Variants in CLU observed in about 807,000 individuals in gnomAD.
CLU encodes the protein clusterin.
CLU carries 25 observed loss-of-function variants against 46.4 expected under a neutral mutation model. The ratio of observed to expected loss-of-function variants is 0.54; its 90% CI spans 0.39 to 0.75. The LOEUF (loss-of-function observed/expected upper bound fraction) is 0.75, where lower values mean the gene tolerates loss of function less well. Among genes scored for constraint, CLU ranks in the 30% least tolerant of loss-of-function variants. CLU has a pLI of 0.00. For missense variants in CLU, 504 were observed against 592.1 expected, an observed-to-expected ratio of 0.85 and a Z score of 1.54; for synonymous variants, 235 against 235.1, an observed-to-expected ratio of 1.00 and a Z score of 0.00.
In CLU at chr8:27,599,028, T is replaced by C. The variant is rs892751150; in HGVS notation, c.1165-393A>G. ...TAGAAATAAGTTTTATTTGATTTTT[T>C]AACTTTATTTTATTATTTTATATAT... On this transcript the variant is annotated intron_variant, in intron 7 of 8. Transcript: ENST00000316403. This position sits in a 1 kb window ranked among gnomAD's most constrained non-coding sequence, Gnocchi z 4.0. 6.5e-6 allele frequency: 1 copy of C among 153,636 alleles called. No individual in the cohort carries two copies. Among genetic ancestry groups the C allele is most frequent in the Non-Finnish European group, 1.4e-5 (1 of 69,302 alleles). 9.5% of individuals were successfully genotyped at this position (153,636 alleles called of 1,614,324 possible). A position where few individuals can be genotyped will look rare whatever the true frequency, so the allele number is the denominator to read the frequency against.
Position 27,597,288 on chromosome 8 carries a change from C to A in CLU, c.*953G>T. 1 of 454,520 alleles carries A rather than the reference C, an allele frequency of 2.2e-6. No homozygotes were observed. The highest frequency in any genetic ancestry group is 4.4e-6 in the Non-Finnish European group (1 of 226,784). 28.2% of individuals were successfully genotyped at this position (454,520 alleles called of 1,614,324 possible). ...AATGTTAATGAACGAAAAGCCTGAGCTTTAAGACTGAGATTGGTACCACGG... is the reference window on the plus strand; with the variant it reads ...AATGTTAATGAACGAAAAGCCTGAGATTTAAGACTGAGATTGGTACCACGG... On this transcript the variant is annotated 3_prime_UTR_variant, in exon 9 of 9. Transcript: ENST00000316403.
chr8:27,605,532 A>C (rs1800807550), intron 4 of CLU, among the ~76,000 whole-genome samples, 197 bp from the exon 5 acceptor site: 1 of 152,156 alleles, frequency 6.6e-6, no homozygotes, highest in African/African-American at 2.4e-5. Context: ...ATCTCCCTCC[A>C]TGGGGGACAG....
intron 2 of CLU, 92 bp downstream of exon 2, chr8:27,610,383 G>C: frequency 9.7e-7 from 1 of 1,027,008 alleles, no homozygotes; most frequent in South Asian, 1.3e-5. Flanking sequence ...TAACACTGGG[G>C]CCTGATAGAG....
At chr8:27,609,694 C>G (rs780458148) in intron 2 of CLU, among the ~76,000 whole-genome samples, 1 of 152,166 alleles carries the variant, frequency 6.6e-6, no homozygotes, top group Non-Finnish European at 1.5e-5. Context: ...GCCGTGCCCA[C>G]TTCGCAGAGG....
chr8:27,611,543 C>T (rs2128910555), intron 1 of CLU: 1 of 457,784 alleles, frequency 2.2e-6, no homozygotes, highest in Admixed American at 2.3e-5. Context: ...ACAGAAACCC[C>T]TCCCCCTGCA....
chr8:27,597,001 C>A lies in CLU; in HGVS notation c.*1240G>T, dbSNP rs1221354028. 2 of 454,082 alleles carry A rather than the reference C, an allele frequency of 4.4e-6. No homozygotes were observed. The highest frequency in any genetic ancestry group is 4.4e-6 in the Non-Finnish European group (1 of 226,790). 28.1% of individuals were successfully genotyped at this position (454,082 alleles called of 1,614,324 possible). On this transcript the variant is annotated 3_prime_UTR_variant, in exon 9 of 9. Coordinates refer to ENST00000316403, the MANE Select transcript of CLU (RefSeq NM_001831.4). ...TCACTTAAGCAAATACCTCTGACCC[C>A]ATAATTCTAATTAATGTATATCATT...
chr8:27,597,530 A>C lies in CLU; in HGVS notation c.*711T>G, dbSNP rs1800625370. The C allele has an allele frequency of 2.2e-6, 1 of 454,186 alleles. No homozygotes were observed. The allele number at this position is 454,186 out of a possible 1,614,324, so 28.1% of individuals were successfully genotyped here. On this transcript the variant is annotated 3_prime_UTR_variant, in exon 9 of 9. Coordinates refer to ENST00000316403, the MANE Select transcript of CLU (RefSeq NM_001831.4). The stretch of plus-strand genomic sequence containing the variant: ...CAAATAAAACCGCTGCAAAAGCAAT[A>C]GCTCTTACAAATAAAACTGATAATT...
In CLU at chr8:27,598,582, G is replaced by T. The variant is rs755605617; in HGVS notation, c.1218C>A (p.Val406=). 1 of 1,614,140 alleles carries T rather than the reference G, an allele frequency of 6.2e-7. No homozygotes were observed. Among genetic ancestry groups the T allele is most frequent in the Admixed American group, 1.7e-5 (1 of 60,026 alleles). ...TGGGATCAGAGTCAAAGAGCTTCAC[G>T]ACCACCTCAGTGACACCGGAAGGAA... ...SDVPSGVTEV[V]VKLFDSDPIT... is the part of the protein sequence containing the mutation. The change falls in exon 8 of 9, where the codon GTC becomes GTA. Residue 406 remains valine (V), a synonymous_variant. Transcript: ENST00000316403.
At chr8:27,600,777 T>G (rs9331930) in intron 6 of CLU, among the ~76,000 whole-genome samples, 48,607 of 152,038 alleles carry the variant, frequency 0.32, 9,555 homozygotes, top group African/African-American at 0.54. Flanking sequence ...GGCACTGCCT[T>G]CGTCCCAGAC....
intron 6 of CLU, 112 bp downstream of exon 6, chr8:27,604,179 G>A (rs1329783912): frequency 3.6e-6 from 3 of 837,654 alleles, no homozygotes; most frequent in African/African-American, 3.3e-5. Flanking sequence ...TGCAGAGCTG[G>A]AATCCAAACG....
chr8:27,601,330 G>A (rs1800718010), intron 6 of CLU, among the ~76,000 whole-genome samples: 1 of 152,226 alleles, frequency 6.6e-6, no homozygotes, highest in South Asian at 2.1e-4. Context: ...GATTACAGGT[G>A]TGAGCCAATG....
intron 3 of CLU, among the ~76,000 whole-genome samples, chr8:27,607,315 T>A (rs1009951732): frequency 6.6e-6 from 1 of 150,902 alleles, no homozygotes; most frequent in African/African-American, 2.4e-5. Context: ...CCAGCCTGGG[T>A]GACAGAGCAA....
In CLU at chr8:27,598,190, G is replaced by A. The variant is rs376490655; in HGVS notation, c.*51C>T. 1.4e-5 allele frequency: 23 copies of A among 1,602,180 alleles called. No individual in the cohort carries two copies. The highest frequency in any genetic ancestry group is 5.0e-5 in the Admixed American group (3 of 59,800). On this transcript the variant is annotated 3_prime_UTR_variant, in exon 9 of 9. Transcript: ENST00000316403. ...CTCTGGGGGGCTGCAGCTCATCTTG[G>A]GGGGAGCTGGACTCAGATGCCCCCG...
rs1800791839 is a variant in CLU, at chr8:27,605,015, G to A, written c.738C>T (p.Pro246=). The A allele has an allele frequency of 1.9e-6, 3 of 1,614,108 alleles. No individual in the cohort carries two copies. Among genetic ancestry groups the A allele is most frequent in the Non-Finnish European group, 2.5e-6 (3 of 1,180,032 alleles). ...EPLNFHAMFQ[P]FLEMIHEAQQ... ...GAGCCTCGTGTATCATCTCAAGGAA[G>A]GGCTGGAACATGGCGTGGAAGTTCA... The change falls in exon 5 of 9, where the codon CCC becomes CCT. Residue 246 remains proline, a synonymous_variant. Coordinates refer to ENST00000316403, the MANE Select transcript of CLU (RefSeq NM_001831.4).
At chr8:27,610,730 T>G (rs551790987) in intron 1 of CLU, 130 bp from the exon 2 acceptor site, 1 of 698,840 alleles carries the variant, frequency 1.4e-6, no homozygotes, top group South Asian at 1.6e-5. Context: ...CTGCTGCACT[T>G]TTATTCCTGA....
intron 2 of CLU, among the ~76,000 whole-genome samples, chr8:27,610,170 G>A (rs1800896139): frequency 6.6e-6 from 1 of 152,160 alleles, no homozygotes; most frequent in African/African-American, 2.4e-5. Flanking sequence ...ACACAGCTTC[G>A]TGGAGGAGGC....
At chr8:27,612,193 C>G (rs1406413407) in intron 1 of CLU, among the ~76,000 whole-genome samples, 1 of 152,150 alleles carries the variant, frequency 6.6e-6, no homozygotes, top group Non-Finnish European at 1.5e-5. Flanking sequence ...AGCGGTGAGG[C>G]TGAAGCCCAG....
intron 3 of CLU, among the ~76,000 whole-genome samples, chr8:27,607,481 A>C (rs747176664): frequency 3.3e-5 from 5 of 152,152 alleles, no homozygotes; most frequent in Admixed American, 6.5e-5. Flanking sequence ...CCAGATGCTT[A>C]AAAGAGACAG....
rs376627380 is a variant in CLU at position 27,607,542 on chromosome 8, G to T, written c.247-1018C>A. On this transcript the variant is annotated intron_variant, in intron 3 of 8. Coordinates refer to ENST00000316403, the MANE Select transcript of CLU (RefSeq NM_001831.4). The stretch of plus-strand genomic sequence containing the variant: ...AGGGTAGATGGTACATCATTACAAA[G>T]GATGTTTATAGTCCATTTTGAATAT... Among the ~76,000 whole-genome samples, 6 of 151,790 alleles carry T rather than the reference G, an allele frequency of 4.0e-5. No homozygotes were observed. In the South Asian group the frequency reaches 1.0e-3, roughly 26 times the overall value.
Sources: gnomAD v4.1 joint callset for allele counts (sites outside exome capture counted in the v4.1 genomes callset) on GRCh38, gnomAD v4.1.1 for gene constraint, Gnocchi (gnomAD v3.1) non-coding constraint, MANE v1.5 for transcripts, NCBI Gene and HGNC (gene_info 2026-07-23, HGNC 2026-07-21) for gene names.